Variants in MCPH1 observed in about 807,000 individuals in gnomAD.
MCPH1 encodes microcephalin 1, also known as microcephalin.
MCPH1 carries 104 observed loss-of-function variants against 84.5 expected under a neutral mutation model. That is an observed-to-expected ratio of 1.23 (90% CI 1.05 to 1.45). The LOEUF (loss-of-function observed/expected upper bound fraction) is 1.45, where lower values mean the gene tolerates loss of function less well. Ranked by LOEUF, MCPH1 falls within the 40% of genes most tolerant of loss-of-function variation. MCPH1 has a pLI of 0.00. For synonymous variants in MCPH1, 514 were observed against 366.8 expected (o/e 1.40, Z -4.58); for missense variants, 1,498 against 1,005.7 (o/e 1.49, Z -6.62).
At chr8:6,509,022 T>C (rs1244370143) in intron 12 of MCPH1, 1 of 1,614,182 alleles carries the variant, frequency 6.2e-7, no homozygotes, top group Admixed American at 1.7e-5. Flanking sequence ...CTGATGCTGC[T>C]TATTTTGCCG....
intron 12 of MCPH1, among the ~76,000 whole-genome samples, chr8:6,553,497 A>T (rs371870446): frequency 2.0e-5 from 3 of 152,108 alleles, no homozygotes; most frequent in African/African-American, 7.2e-5. Flanking sequence ...ACATTTTTTT[A>T]AAAATTAGAT....
intron 12 of MCPH1, among the ~76,000 whole-genome samples, chr8:6,527,302 G>T (rs536200849): frequency 6.6e-6 from 1 of 152,192 alleles, no homozygotes; most frequent in Admixed American, 6.5e-5. Flanking sequence ...CTGAGGCAGG[G>T]TTTGGAGGAT....
chr8:6,431,369 T>A (rs1023089787), intron 3 of MCPH1, 130 bp from the exon 4 acceptor site: 16 of 704,704 alleles, frequency 2.3e-5, no homozygotes, highest in Middle Eastern at 3.9e-4. Context: ...GTTGTATTTA[T>A]TTTTTAAAAG....
At chr8:6,630,209 C>A (rs1255364332) in intron 13 of MCPH1, among the ~76,000 whole-genome samples, 1 of 152,102 alleles carries the variant, frequency 6.6e-6, no homozygotes. Context: ...AAACTGACTT[C>A]TTTGGCTGGG....
chr8:6,473,076 G>A (rs566632478), intron 9 of MCPH1, among the ~76,000 whole-genome samples: 12 of 152,188 alleles, frequency 7.9e-5, no homozygotes, highest in African/African-American at 2.6e-4. Context: ...TGGAATCTAA[G>A]CCAATTATAC....
rs536952957 is a variant in MCPH1 at position 6,598,451 on chromosome 8, A to G, written c.2215-23003A>G. On this transcript the variant is annotated intron_variant, in intron 12 of 13. Coordinates refer to ENST00000344683, the MANE Select transcript of MCPH1 (RefSeq NM_024596.5). ...TCAGACATGAGGGGAGAAGAAGGGGATGGGGTGGGGGGCGGTCGTGAGGAA... is the reference window on the plus strand; with the variant it reads ...TCAGACATGAGGGGAGAAGAAGGGGGTGGGGTGGGGGGCGGTCGTGAGGAA... Among the ~76,000 whole-genome samples the G allele has an allele frequency of 4.1e-3, 619 of 152,084 alleles. 1 individual carries two copies. Among genetic ancestry groups the G allele is most frequent in the Non-Finnish European group, 6.5e-3 (444 of 67,990 alleles).
At chr8:6,611,124 A>ACT (rs1554477009) in intron 12 of MCPH1, among the ~76,000 whole-genome samples, 4 of 133,534 alleles carry the variant, frequency 3.0e-5, no homozygotes, top group African/African-American at 1.3e-4. Flanking sequence ...TCTCTCACAC[A>ACT]CACACTCACA....
intron 13 of MCPH1, among the ~76,000 whole-genome samples, chr8:6,623,465 C>G (rs17077715): frequency 0.015 from 2,221 of 151,970 alleles, 63 homozygotes; most frequent in African/African-American, 0.051. Flanking sequence ...GTCTCTAAAT[C>G]CTAAACTTCT....
intron 13 of MCPH1, among the ~76,000 whole-genome samples, chr8:6,634,120 T>A (rs1443333957): frequency 1.3e-5 from 2 of 151,990 alleles, no homozygotes; most frequent in South Asian, 4.1e-4. Flanking sequence ...AAGATGTGAA[T>A]AGTGTATTGA....
chr8:6,446,469 A>C, intron 8 of MCPH1: 2 of 985,268 alleles, frequency 2.0e-6, no homozygotes, highest in Non-Finnish European at 2.4e-6. Context: ...ACGCTCCCCA[A>C]AATTGTTTCA....
intron 9 of MCPH1, among the ~76,000 whole-genome samples, chr8:6,476,070 A>G (rs768718586): frequency 2.2e-4 from 33 of 152,202 alleles, no homozygotes; most frequent in Non-Finnish European, 3.4e-4. Flanking sequence ...AGTATTCACT[A>G]CAGTGGCATT....
chr8:6,410,569 C>G (rs1798398521), intron 2 of MCPH1, among the ~76,000 whole-genome samples: 2 of 152,170 alleles, frequency 1.3e-5, no homozygotes, highest in South Asian at 2.1e-4. Context: ...CTCTATTTGA[C>G]TTAATAATGT....
At chr8:6,504,770 T>C (rs1812939882) in intron 12 of MCPH1, among the ~76,000 whole-genome samples, 1 of 152,208 alleles carries the variant, frequency 6.6e-6, no homozygotes, top group Admixed American at 6.5e-5. Flanking sequence ...TTTATTATTG[T>C]TAAGTCTCTT....
intron 12 of MCPH1, among the ~76,000 whole-genome samples, chr8:6,572,983 C>G (rs538014283): frequency 6.6e-6 from 1 of 152,154 alleles, no homozygotes; most frequent in African/African-American, 2.4e-5. Flanking sequence ...TGAAGAAAGA[C>G]CAAAACTGAG....
At chr8:6,539,341 A>T (rs1226944934) in intron 12 of MCPH1, among the ~76,000 whole-genome samples, 1 of 152,154 alleles carries the variant, frequency 6.6e-6, no homozygotes, top group Non-Finnish European at 1.5e-5. Flanking sequence ...GACTGTTTTT[A>T]TAGTCTTGGC....
intron 12 of MCPH1, among the ~76,000 whole-genome samples, chr8:6,583,441 C>G (rs570478631): frequency 1.3e-5 from 2 of 152,178 alleles, no homozygotes; most frequent in African/African-American, 4.8e-5. Flanking sequence ...CAGAATAAAA[C>G]CGACAAAATT....
intron 12 of MCPH1, among the ~76,000 whole-genome samples, chr8:6,592,802 G>A (rs1001746823): frequency 2.0e-5 from 3 of 146,924 alleles, no homozygotes; most frequent in South Asian, 2.2e-4. Context: ...CCACAAGCAC[G>A]TGCCACCACA....
intron 12 of MCPH1, among the ~76,000 whole-genome samples, chr8:6,599,968 C>T (rs1427026554): frequency 6.6e-6 from 1 of 152,196 alleles, no homozygotes; most frequent in African/African-American, 2.4e-5. Flanking sequence ...TAGAGATTAA[C>T]AAAGAGGAAA....
chr8:6,553,682 T>TA (rs1192429475), intron 12 of MCPH1, among the ~76,000 whole-genome samples: 4 of 149,162 alleles, frequency 2.7e-5, no homozygotes, highest in African/African-American at 5.1e-5. Flanking sequence ...TTTTTTTTTT[T>TA]ACCTCTCCCC....
Sources: gnomAD v4.1 joint callset for allele counts (sites outside exome capture counted in the v4.1 genomes callset) on GRCh38, gnomAD v4.1.1 for gene constraint, MANE v1.5 for transcripts, NCBI Gene and HGNC (gene_info 2026-07-23, HGNC 2026-07-21) for gene names.